ZFHX3: variants seen among roughly 807,000 people sequenced by gnomAD.
ZFHX3 encodes the protein zinc finger homeobox protein 3.
Under a neutral mutation model 279.1 loss-of-function variants are expected in ZFHX3, and 42 were observed. The ratio of observed to expected loss-of-function variants is 0.15; its 90% CI spans 0.12 to 0.19. ZFHX3 has a LOEUF of 0.19. Ranked by LOEUF, ZFHX3 falls within the 10% of genes least tolerant of loss-of-function variation. The pLI is 1.00. For synonymous variants in ZFHX3, 2,293 were observed against 1,957.8 expected (o/e 1.17, Z -4.52); for missense variants, 4,981 against 4,754.0 (o/e 1.05, Z -1.40).
At chr16:73,205,276 A>G (rs1317236275) in intron 5 of ZFHX3, among the ~76,000 whole-genome samples, 2 of 152,340 alleles carry the variant, frequency 1.3e-5, no homozygotes, top group Admixed American at 6.5e-5. Context: ...AGCCTAGGAC[A>G]TGTCCAAGTG....
intron 1 of ZFHX3, among the ~76,000 whole-genome samples, chr16:73,817,800 C>T (rs982652612): frequency 6.6e-6 from 1 of 152,150 alleles, no homozygotes; most frequent in Non-Finnish European, 1.5e-5. Flanking sequence ...GCTTAGTTCA[C>T]CTCGCTCTTA....
intron 1 of ZFHX3, among the ~76,000 whole-genome samples, chr16:73,729,323 T>A (rs2053548743): frequency 6.6e-6 from 1 of 152,162 alleles, no homozygotes; most frequent in Admixed American, 6.5e-5. Context: ...GGTAAGGAGT[T>A]CGAGACCAGC....
chr16:73,722,161 C>A (rs968910505), intron 1 of ZFHX3, among the ~76,000 whole-genome samples: 2 of 152,182 alleles, frequency 1.3e-5, no homozygotes, highest in Non-Finnish European at 2.9e-5. Context: ...TAGCTGTTAA[C>A]AAAATGAACA....
intron 1 of ZFHX3, among the ~76,000 whole-genome samples, chr16:72,980,822 C>T (rs896307127): frequency 4.6e-5 from 7 of 152,112 alleles, no homozygotes; most frequent in Admixed American, 3.9e-4. Context: ...AGCATGATAT[C>T]GTTGGCTTCA....
chr16:72,943,197 CACT>C (rs1960493845), intron 3 of ZFHX3, among the ~76,000 whole-genome samples: 1 of 152,168 alleles, frequency 6.6e-6, no homozygotes, highest in Non-Finnish European at 1.5e-5. Flanking sequence ...TCCTAAATCA[CACT>C]GCATAGTCTT....
At chr16:73,746,139 G>A (rs1057396556) in intron 1 of ZFHX3, among the ~76,000 whole-genome samples, 2 of 152,030 alleles carry the variant, frequency 1.3e-5, no homozygotes, top group Non-Finnish European at 2.9e-5. Flanking sequence ...GACAGGGAGA[G>A]CCCAAATCAA....
chr16:73,120,896 C>A (rs1167920067), intron 7 of ZFHX3, among the ~76,000 whole-genome samples: 1 of 151,824 alleles, frequency 6.6e-6, no homozygotes, highest in Non-Finnish European at 1.5e-5. Context: ...CCTTGTGATC[C>A]GCCCACCTCG....
chr16:73,436,622 C>A (rs939102315), intron 3 of ZFHX3, among the ~76,000 whole-genome samples: 1 of 152,172 alleles, frequency 6.6e-6, no homozygotes, highest in African/African-American at 2.4e-5. Flanking sequence ...ACCGTATCAG[C>A]TACCCACCCA....
At position 72,795,990 on chromosome 16, in the gene ZFHX3, G is replaced by A. The variant is rs1179466504; in HGVS notation, c.6692C>T (p.Pro2231Leu). The stretch of plus-strand genomic sequence containing the variant: ...CCAGTACTCCTGCTTTGGAGGTTCC[G>A]GCGAAGGGGGCCGGGAGTCAATCTT... ...ELKIDSRPPS[P>L]EPPKQEYWGS... Residue 2231 changes from proline to leucine, a missense_variant, in exon 9 of 10, where the codon CCG becomes CTG. Transcript: ENST00000268489. 5 of 1,614,010 alleles carry A rather than the reference G, an allele frequency of 3.1e-6. No individual in the cohort carries two copies. Among genetic ancestry groups the A allele is most frequent in the East Asian group, 2.2e-5 (1 of 44,876 alleles).
At chr16:73,026,684 A>C (rs1444182500) in intron 1 of ZFHX3, among the ~76,000 whole-genome samples, 2 of 151,672 alleles carry the variant, frequency 1.3e-5, no homozygotes, top group South Asian at 2.1e-4. Flanking sequence ...AAAAAAAAAA[A>C]AAAAAAAAAA....
At chr16:73,253,072 C>A (rs1182906444) in intron 5 of ZFHX3, among the ~76,000 whole-genome samples, 1 of 152,144 alleles carries the variant, frequency 6.6e-6, no homozygotes, top group East Asian at 1.9e-4. Context: ...CTGTTCCAGG[C>A]GATGACTGAG....
At chr16:72,935,645 A>G (rs994538438) in intron 3 of ZFHX3, among the ~76,000 whole-genome samples, 1 of 151,766 alleles carries the variant, frequency 6.6e-6, no homozygotes, top group Non-Finnish European at 1.5e-5. Context: ...GAAGGCTGAG[A>G]ATCGCTTGAA....
intron 3 of ZFHX3, 28 bp downstream of exon 3, chr16:72,950,441 G>C (rs12149946): frequency 6.2e-7 from 1 of 1,601,820 alleles, no homozygotes; most frequent in Admixed American, 1.7e-5. Flanking sequence ...CAGAAAGAGC[G>C]CCTGAGCCAT....
At chr16:73,233,636 A>C (rs567491104) in intron 5 of ZFHX3, among the ~76,000 whole-genome samples, 1 of 152,288 alleles carries the variant, frequency 6.6e-6, no homozygotes, top group East Asian at 1.9e-4. Context: ...TTCTGTTGTC[A>C]CCCAGCTTTG....
At chr16:73,320,290 G>T (rs1000547517) in intron 3 of ZFHX3, among the ~76,000 whole-genome samples, 11 of 152,198 alleles carry the variant, frequency 7.2e-5, no homozygotes, top group African/African-American at 2.4e-4. Context: ...TGAACCTGCT[G>T]TACCTTGGCT....
At chr16:73,217,416 G>A (rs1704967173) in intron 5 of ZFHX3, among the ~76,000 whole-genome samples, 1 of 152,176 alleles carries the variant, frequency 6.6e-6, no homozygotes, top group Admixed American at 6.5e-5. Context: ...AAGGAAGTCA[G>A]GTCACACTGG....
chr16:73,502,157 A>G (rs1160514086), intron 2 of ZFHX3, among the ~76,000 whole-genome samples: 3 of 152,168 alleles, frequency 2.0e-5, no homozygotes, highest in Non-Finnish European at 2.9e-5. Flanking sequence ...GCCATCTTGA[A>G]CGTAAATGCG....
intron 3 of ZFHX3, among the ~76,000 whole-genome samples, chr16:73,391,812 G>T (rs190067238): frequency 6.6e-6 from 1 of 152,268 alleles, no homozygotes; most frequent in East Asian, 1.9e-4. Flanking sequence ...TTAGTAGAAT[G>T]CCCAATATAT....
At chr16:73,090,734 A>C (rs77702415) in intron 8 of ZFHX3, among the ~76,000 whole-genome samples, 3,046 of 151,670 alleles carry the variant, frequency 0.02, 40 homozygotes, top group South Asian at 0.053. Flanking sequence ...AGAAAAAAAA[A>C]AAAACAAAAC....
Sources: gnomAD v4.1 joint callset for allele counts (sites outside exome capture counted in the v4.1 genomes callset) on GRCh38, gnomAD v4.1.1 for gene constraint, MANE v1.5 for transcripts, NCBI Gene and HGNC (gene_info 2026-07-23, HGNC 2026-07-21) for gene names.